The following ZEB1 variants were observed in gnomAD, a reference collection of about 807,000 sequenced individuals.
The protein encoded by ZEB1 is zinc finger E-box binding homeobox 1.
In ZEB1, 21 loss-of-function variants were observed where a neutral mutation model predicts 84.9. The observed-to-expected ratio is 0.25, with a 90% confidence interval of 0.18 to 0.36. The LOEUF (loss-of-function observed/expected upper bound fraction) is 0.36. Ranked by LOEUF, ZEB1 falls within the 10% of genes least tolerant of loss-of-function variation. The pLI is 1.00. For missense variants in ZEB1, 1,104 were observed against 1,330.2 expected (o/e 0.83, Z 2.65); for synonymous variants, 420 against 471.1 (o/e 0.89, Z 1.41).
intron 1 of ZEB1, among the ~76,000 whole-genome samples, chr10:31,409,003 A>G (rs1349373393): frequency 1.3e-5 from 2 of 151,906 alleles, no homozygotes; most frequent in African/African-American, 2.4e-5. Flanking sequence ...TCATCTGACA[A>G]AGGGCTAATA....
At chr10:31,471,860 T>C (rs2063306426) in intron 2 of ZEB1, among the ~76,000 whole-genome samples, 1 of 145,928 alleles carries the variant, frequency 6.9e-6, no homozygotes, top group Non-Finnish European at 1.5e-5. Flanking sequence ...TAACAAACTA[T>C]CTCTCAGACC....
At chr10:31,360,899 A>G in intron 1 of ZEB1, 3 of 1,399,628 alleles carry the variant, frequency 2.1e-6, no homozygotes, top group Non-Finnish European at 3.0e-6. Context: ...CAGTAACCTG[A>G]AACAGTACTG....
At chr10:31,492,241 T>C (rs1038372678) in intron 2 of ZEB1, among the ~76,000 whole-genome samples, 4 of 151,900 alleles carry the variant, frequency 2.6e-5, no homozygotes, top group Admixed American at 6.6e-5. Flanking sequence ...GAAAGAAATA[T>C]GTATTCAATA....
intron 1 of ZEB1, among the ~76,000 whole-genome samples, chr10:31,335,994 CTG>C (rs375114267): frequency 1.9e-3 from 283 of 152,216 alleles, no homozygotes; most frequent in African/African-American, 6.3e-3. Flanking sequence ...GTATAAAACA[CTG>C]TGAGTAAATC....
At chr10:31,388,820 GC>G (rs1395325390) in intron 1 of ZEB1, among the ~76,000 whole-genome samples, 1 of 151,458 alleles carries the variant, frequency 6.6e-6, no homozygotes, top group Non-Finnish European at 1.5e-5. Flanking sequence ...ATCCCTTTTT[GC>G]CAGTTGAGAA....
upstream of ZEB1, chr10:31,318,890 C>T (rs1290941155): frequency 1.3e-5 from 5 of 381,478 alleles, no homozygotes; most frequent in African/African-American, 4.2e-5. Context: ...GAGCCTCCAA[C>T]TTTACCTTTC....
intron 1 of ZEB1, among the ~76,000 whole-genome samples, chr10:31,362,120 C>T (rs374381869): frequency 1.8e-4 from 27 of 147,266 alleles, no homozygotes; most frequent in African/African-American, 6.0e-4. Flanking sequence ...GCAGACAGGA[C>T]GGCGGCGGGG....
In ZEB1 at chr10:31,521,586, A is replaced by G. The variant is rs138507868; in HGVS notation, c.2254A>G (p.Thr752Ala). Residue 752 changes from threonine to alanine, a missense_variant, in exon 7 of 9, where the codon ACT (threonine) becomes GCT (alanine). Physicochemically the swap from Thr to Ala is moderately conservative, Grantham distance 58 (BLOSUM62 0). This residue lies in a region of ZEB1 where 531 missense variants were observed against 575.2 expected (regional missense o/e 0.92). Coordinates refer to ENST00000424869, the MANE Select transcript of ZEB1 (RefSeq NM_001174096.2). ...KQQGELLERS[T>A]ITSVYQNSVY... ...ACAGGGAGAATTATTAGAAAGGTCAACTATCACTAGTGTTTACCAGAACAG... is the reference window on the plus strand; with the variant it reads ...ACAGGGAGAATTATTAGAAAGGTCAGCTATCACTAGTGTTTACCAGAACAG... 1.8e-3 allele frequency: 2,866 copies of G among 1,614,150 alleles called. 4 individuals carry two copies. The highest frequency in any genetic ancestry group is 2.1e-3 in the Non-Finnish European group (2,474 of 1,180,028).
intron 1 of ZEB1, among the ~76,000 whole-genome samples, chr10:31,446,237 G>C (rs1380056012): frequency 2.6e-5 from 4 of 152,160 alleles, no homozygotes; most frequent in Non-Finnish European, 5.9e-5. Flanking sequence ...ATGGTAGTTT[G>C]TATTTCTGTG....
chr10:31,511,136 T>C (rs1250834543), intron 5 of ZEB1, among the ~76,000 whole-genome samples: 1 of 152,224 alleles, frequency 6.6e-6, no homozygotes, highest in Non-Finnish European at 1.5e-5. Context: ...CTTAATTATT[T>C]TGCTTATGCC....
rs1327618957 is a variant in ZEB1 at position 31,375,967 on chromosome 10, TTA to T, written c.58+56677_58+56678del. ...GTCACGAGGATTATTTGAAGGAAAT[TTA>T]TGTCACATCTCGTAAAATCATCATA... On this transcript the variant is annotated intron_variant, in intron 1 of 8. Coordinates refer to ENST00000424869, the MANE Select transcript of ZEB1 (RefSeq NM_001174096.2). Among the ~76,000 whole-genome samples the T allele has an allele frequency of 4.0e-5, 6 of 151,794 alleles. No homozygotes were observed. In the South Asian group the frequency reaches 1.2e-3, roughly 31 times the overall value.
At chr10:31,480,972 T>C (rs989278306) in intron 2 of ZEB1, among the ~76,000 whole-genome samples, 3 of 152,068 alleles carry the variant, frequency 2.0e-5, no homozygotes, top group Non-Finnish European at 2.9e-5. Context: ...GCCATAGTTA[T>C]ATAAATAAGC....
intron 1 of ZEB1, among the ~76,000 whole-genome samples, chr10:31,407,544 C>T (rs1391486094): frequency 6.6e-6 from 1 of 151,638 alleles, no homozygotes; most frequent in Non-Finnish European, 1.5e-5. Context: ...TGAATAATGC[C>T]GCAATAAACA....
intron 1 of ZEB1, among the ~76,000 whole-genome samples, chr10:31,357,304 T>C (rs1024532661): frequency 6.6e-6 from 1 of 151,974 alleles, no homozygotes; most frequent in Non-Finnish European, 1.5e-5. Flanking sequence ...GAACTCAGAG[T>C]AGGATGAGAA....
At chr10:31,474,791 GC>G (rs1466638297) in intron 2 of ZEB1, among the ~76,000 whole-genome samples, 13 of 152,204 alleles carry the variant, frequency 8.5e-5, no homozygotes, top group Admixed American at 5.9e-4. Flanking sequence ...ATTCACAATA[GC>G]AAAGACTTGG....
chr10:31,324,181 G>A (rs1432125689), intron 1 of ZEB1, among the ~76,000 whole-genome samples: 1 of 151,874 alleles, frequency 6.6e-6, no homozygotes, highest in Non-Finnish European at 1.5e-5. Flanking sequence ...AATATTAATC[G>A]TTTATGAAGA....
intron 1 of ZEB1, among the ~76,000 whole-genome samples, chr10:31,367,968 T>TAC (rs557938210): frequency 1.4e-3 from 207 of 149,364 alleles, no homozygotes; most frequent in African/African-American, 4.7e-3. Context: ...TATATATATA[T>TAC]ACACACACAC....
intron 1 of ZEB1, among the ~76,000 whole-genome samples, chr10:31,354,057 T>C (rs2041727881): frequency 6.6e-6 from 1 of 152,188 alleles, no homozygotes. Context: ...TTTTAAAGAA[T>C]TTAACAAATG....
rs1591525988 is a variant in ZEB1, at chr10:31,461,336, A to G, written c.259+99A>G. ...AAATTGGATGAAAAGTTTGAAATCA[A>G]TAGTAAATTTGGCTATCAATAAATA... On this transcript the variant is annotated intron_variant, in intron 2 of 8. Coordinates refer to ENST00000424869, the MANE Select transcript of ZEB1 (RefSeq NM_001174096.2). 1.5e-5 allele frequency: 20 copies of G among 1,326,376 alleles called. No individual in the cohort carries two copies. In the South Asian group the frequency reaches 2.2e-4, roughly 15 times the overall value. The allele number at this position is 1,326,376 out of a possible 1,614,324, so 82.2% of individuals were successfully genotyped here.
Sources: gnomAD v4.1 joint callset for allele counts (sites outside exome capture counted in the v4.1 genomes callset) on GRCh38, gnomAD v4.1.1 for gene constraint, gnomAD v4.1.1 regional missense constraint, MANE v1.5 for transcripts, NCBI Gene and HGNC (gene_info 2026-07-23, HGNC 2026-07-21) for gene names.